Variants in FBXL7 observed in about 807,000 individuals in gnomAD.
The protein encoded by FBXL7 is F-box and leucine rich repeat protein 7.
A neutral mutation model predicts 38.3 loss-of-function variants in FBXL7; 12 were observed. The observed-to-expected ratio is 0.31, with a 90% CI of 0.20 to 0.51. FBXL7 has a LOEUF of 0.51. Among genes scored for constraint, FBXL7 ranks in the 20% least tolerant of loss-of-function variants. The pLI is 0.98. For missense variants in FBXL7, 567 were observed against 676.4 expected (o/e 0.84, Z 1.79); for synonymous variants, 297 against 300.9 (o/e 0.99, Z 0.13).
At chr5:15,557,766 G>A (rs1738291668) in intron 1 of FBXL7, among the ~76,000 whole-genome samples, 1 of 152,192 alleles carries the variant, frequency 6.6e-6, no homozygotes, top group Non-Finnish European at 1.5e-5. Context: ...GACCCCTGAG[G>A]GGTGAGATGA....
chr5:15,771,291 G>T (rs555061819), intron 2 of FBXL7, among the ~76,000 whole-genome samples: 1 of 152,246 alleles, frequency 6.6e-6, no homozygotes, highest in African/African-American at 2.4e-5. Flanking sequence ...GATAAATGTA[G>T]CCTTGCCTGC....
intron 2 of FBXL7, among the ~76,000 whole-genome samples, chr5:15,681,404 ACT>A (rs1039093618): frequency 6.6e-5 from 10 of 152,160 alleles, no homozygotes; most frequent in African/African-American, 2.2e-4. Context: ...TAGAAGAAAC[ACT>A]CTGTTGAAAA....
intron 2 of FBXL7, among the ~76,000 whole-genome samples, chr5:15,903,949 TGGTAA>T (rs1741294277): frequency 6.6e-6 from 1 of 152,098 alleles, no homozygotes; most frequent in Admixed American, 6.6e-5. Context: ...TTATAGCCTA[TGGTAA>T]GGGAAGGGAA....
At chr5:15,758,195 G>A (rs1179104827) in intron 2 of FBXL7, among the ~76,000 whole-genome samples, 1 of 151,740 alleles carries the variant, frequency 6.6e-6, no homozygotes, top group African/African-American at 2.4e-5. Context: ...AAAGAAATAA[G>A]TATCAAATGC....
At chr5:15,610,519 C>A (rs1180945440) in intron 1 of FBXL7, among the ~76,000 whole-genome samples, 1 of 152,190 alleles carries the variant, frequency 6.6e-6, no homozygotes, top group Non-Finnish European at 1.5e-5. Flanking sequence ...ATGCTGCAGA[C>A]TTCAGCTGAA....
intron 2 of FBXL7, among the ~76,000 whole-genome samples, chr5:15,792,130 G>T (rs2126732129): frequency 6.6e-6 from 1 of 152,180 alleles, no homozygotes; most frequent in Non-Finnish European, 1.5e-5. Flanking sequence ...ATTCCTAAAG[G>T]CAGGAAAAAT....
chr5:15,917,644 GGGAAGGAAGGAAGGAAGGAAGGAA>G lies in FBXL7; in HGVS notation c.128-10216_128-10193del, dbSNP rs57231456. Among the ~76,000 whole-genome samples the G allele has an allele frequency of 1.1e-3, 96 of 91,022 alleles. 1 individual carries two copies. The highest frequency in any genetic ancestry group is 3.7e-3 in the African/African-American group (91 of 24,630). 59.7% of individuals were successfully genotyped at this position (91,022 alleles called of 152,430 possible). ...AAATGAAAGAAAGTAAAGGAAGGGA[GGGAAGGAAGGAAGGAAGGAAGGAA>G]GGAAGGAAGGAAGGAAGGAAGGAAG... On this transcript the variant is annotated intron_variant, in intron 2 of 3. Transcript: ENST00000504595.
At chr5:15,734,194 G>T (rs1196170632) in intron 2 of FBXL7, among the ~76,000 whole-genome samples, 2 of 151,818 alleles carry the variant, frequency 1.3e-5, no homozygotes, top group Non-Finnish European at 2.9e-5. Flanking sequence ...GCTGCGCTGA[G>T]CACACAGCTT....
intron 2 of FBXL7, among the ~76,000 whole-genome samples, chr5:15,640,915 C>G (rs1741347046): frequency 6.6e-6 from 1 of 152,162 alleles, no homozygotes; most frequent in African/African-American, 2.4e-5. Flanking sequence ...CATCCTTTGC[C>G]TTCCTCACCT....
chr5:15,805,455 A>C (rs1253076065), intron 2 of FBXL7, among the ~76,000 whole-genome samples: 1 of 152,216 alleles, frequency 6.6e-6, no homozygotes, highest in African/African-American at 2.4e-5. Context: ...ATCATATTGA[A>C]ACCTAACTTT....
Position 15,703,730 on chromosome 5 carries a change from G to A in FBXL7, c.127+87658G>A, listed in dbSNP as rs1743598884. On this transcript the variant is annotated intron_variant, in intron 2 of 3. Transcript: ENST00000504595. Reference sequence around the variant, plus strand: ...ATAATAAGTAAGTGCTAATTTTGAAGGGTGTGACGTCTCTGATTCAAAATG... The same window carrying A: ...ATAATAAGTAAGTGCTAATTTTGAAAGGTGTGACGTCTCTGATTCAAAATG... Among the ~76,000 whole-genome samples the A allele has an allele frequency of 3.9e-5, 6 of 152,240 alleles. No homozygotes were observed. The South Asian group carries it at 1.2e-3, about 32-fold the overall frequency.
chr5:15,795,191 G>T (rs555132208), intron 2 of FBXL7, among the ~76,000 whole-genome samples: 1 of 152,148 alleles, frequency 6.6e-6, no homozygotes, highest in South Asian at 2.1e-4. Flanking sequence ...AAGCAATTCA[G>T]GGGGAGAGAA....
chr5:15,564,792 G>A (rs1304160170), intron 1 of FBXL7, among the ~76,000 whole-genome samples: 1 of 151,940 alleles, frequency 6.6e-6, no homozygotes, highest in African/African-American at 2.4e-5. Context: ...ATACAATTTT[G>A]TGCACAATAT....
rs1357601614 is a variant in FBXL7 at position 15,927,990 on chromosome 5, C to T, written c.228C>T (p.Ser76=). The T allele has an allele frequency of 6.3e-7, 1 of 1,599,580 alleles. No homozygotes were observed. Among genetic ancestry groups the T allele is most frequent in the Admixed American group, 1.7e-5 (1 of 59,284 alleles). ...AGAATGGAAGGGGCTCGTCCACCTC[C>T]TCGTCCTCCATCACCGGGGAGACGG... ...GFQNGRGSST[S]SSSITGETVA... is the part of the protein sequence containing the mutation. The change falls in exon 3 of 4, where the codon TCC becomes TCT. Residue 76 remains serine (S), a synonymous_variant. Coordinates refer to ENST00000504595, the MANE Select transcript of FBXL7 (RefSeq NM_012304.5).
At chr5:15,646,050 C>T (rs1741523774) in intron 2 of FBXL7, among the ~76,000 whole-genome samples, 1 of 152,136 alleles carries the variant, frequency 6.6e-6, no homozygotes, top group African/African-American at 2.4e-5. Context: ...CACAATTAAC[C>T]CACCAACATG....
chr5:15,577,395 G>T (rs966312132), intron 1 of FBXL7, among the ~76,000 whole-genome samples: 6 of 152,162 alleles, frequency 3.9e-5, no homozygotes, highest in Non-Finnish European at 8.8e-5. Context: ...TCTTATCAGA[G>T]AAGTCAGGTA....
chr5:15,621,903 C>A (rs1254436476), intron 2 of FBXL7, among the ~76,000 whole-genome samples: 1 of 152,110 alleles, frequency 6.6e-6, no homozygotes, highest in South Asian at 2.1e-4. Flanking sequence ...CCAATACACT[C>A]ATTTTTTTTT....
chr5:15,683,151 G>C (rs551142490), intron 2 of FBXL7, among the ~76,000 whole-genome samples: 1 of 152,230 alleles, frequency 6.6e-6, no homozygotes, highest in African/African-American at 2.4e-5. Flanking sequence ...CCACAGCTTC[G>C]GGGCAACTAG....
chr5:15,867,443 C>A (rs1739764147), intron 2 of FBXL7, among the ~76,000 whole-genome samples: 1 of 152,190 alleles, frequency 6.6e-6, no homozygotes, highest in Non-Finnish European at 1.5e-5. Flanking sequence ...TCACATAGAC[C>A]TGTCACAGCA....
Sources: allele counts gnomAD v4.1 joint callset (sites outside exome capture counted in the v4.1 genomes callset), GRCh38; gene constraint gnomAD v4.1.1; transcripts MANE v1.5; gene names NCBI Gene and HGNC (gene_info 2026-07-23, HGNC 2026-07-21).